Variants in P2RX4 observed in about 807,000 individuals in gnomAD.
P2RX4 encodes the protein purinergic receptor P2X 4, also known as P2X purinoceptor 4.
In P2RX4, 37 loss-of-function variants were observed where a neutral mutation model predicts 48.0. The ratio of observed to expected loss-of-function variants is 0.77; its 90% CI spans 0.59 to 1.01. The LOEUF is 1.01. Ranked by LOEUF, P2RX4 falls within the 50% of genes least tolerant of loss-of-function variation. The probability of loss-of-function intolerance (pLI) is 0.00; values close to 1 mark genes in which losing one functional copy is unlikely to be tolerated. For synonymous variants in P2RX4, 200 were observed against 199.7 expected (o/e 1.00, Z -0.01); for missense variants, 501 against 521.4 (o/e 0.96, Z 0.38).
At chr12:121,220,893 G>T (rs1886551790) in intron 2 of P2RX4, among the ~76,000 whole-genome samples, 1 of 152,136 alleles carries the variant, frequency 6.6e-6, no homozygotes, top group Non-Finnish European at 1.5e-5. Context: ...ATCCTGTGTG[G>T]CCTTTGTGTC....
Position 121,229,135 on chromosome 12 carries a change from G to C in P2RX4, c.884+36G>C, listed in dbSNP as rs1247661658. On this transcript the variant is annotated intron_variant, in intron 8 of 11. Transcript: ENST00000337233. This position sits in a 1 kb window ranked among gnomAD's most constrained non-coding sequence, Gnocchi z 4.6. ...GCTTGGGCCCCTCGCTCATGTTGTA[G>C]GGGGTGCTGGTGGCTGCGTACGTGC... 6.2e-7 allele frequency: 1 copy of C among 1,613,564 alleles called. No individual in the cohort carries two copies.
chr12:121,230,048 G>T (rs578205192), intron 8 of P2RX4, among the ~76,000 whole-genome samples: 43 of 152,292 alleles, frequency 2.8e-4, no homozygotes, highest in African/African-American at 8.9e-4. Context: ...CTCATGATCA[G>T]AATCTATAGC....
chr12:121,221,140 TTG>T (rs1393238317), intron 2 of P2RX4, among the ~76,000 whole-genome samples: 1 of 138,058 alleles, frequency 7.2e-6, no homozygotes, highest in Non-Finnish European at 1.5e-5. Context: ...CCGGCTCCTT[TTG>T]TGTGTGCGTG....
At chr12:121,227,775 G>A (rs773368099) in intron 5 of P2RX4, among the ~76,000 whole-genome samples, 1 of 152,108 alleles carries the variant, frequency 6.6e-6, no homozygotes, top group Non-Finnish European at 1.5e-5. Flanking sequence ...ATTGTAAGAT[G>A]TGTGTATATG....
intron 1 of P2RX4, chr12:121,216,642 GA>G (rs1373997044): frequency 3.2e-6 from 1 of 310,304 alleles, no homozygotes; most frequent in Non-Finnish European, 6.2e-6. Flanking sequence ...CCAACATGGT[GA>G]AACCCCGTCT....
At chr12:121,226,484 A>G (rs1028508430) in intron 5 of P2RX4, among the ~76,000 whole-genome samples, 2 of 152,066 alleles carry the variant, frequency 1.3e-5, no homozygotes, top group African/African-American at 4.8e-5. Flanking sequence ...TAGAAGTTGC[A>G]GTGAGCCAAG....
intron 11 of P2RX4, 65 bp from the exon 12 acceptor site, chr12:121,233,458 C>G: frequency 6.5e-7 from 1 of 1,546,946 alleles, no homozygotes; most frequent in Non-Finnish European, 8.8e-7. Context: ...CAGGAGCGCA[C>G]CTCCCTCCCG....
At position 121,234,027 on chromosome 12, in the gene P2RX4, C is replaced by T. The variant is rs748562713; in HGVS notation, c.*478C>T. 6 of 191,246 alleles carry T rather than the reference C, an allele frequency of 3.1e-5. No homozygotes were observed. In the East Asian group the frequency reaches 3.8e-4, roughly 12 times the overall value. 11.8% of individuals were successfully genotyped at this position (191,246 alleles called of 1,614,324 possible). On this transcript the variant is annotated 3_prime_UTR_variant, in exon 12 of 12. Coordinates refer to ENST00000337233, the MANE Select transcript of P2RX4 (RefSeq NM_002560.3). ...CCCCCGACCATTCCCTGCAGCCATGCGGCAGAGCTGGCATTTCTCCTCAGA... is the reference window on the plus strand; with the variant it reads ...CCCCCGACCATTCCCTGCAGCCATGTGGCAGAGCTGGCATTTCTCCTCAGA...
In P2RX4 at chr12:121,232,787, T is replaced by A; in HGVS notation, c.1044+111T>A. 9.9e-7 allele frequency: 1 copy of A among 1,005,660 alleles called. No individual in the cohort carries two copies. Among genetic ancestry groups the A allele is most frequent in the Non-Finnish European group, 1.6e-6 (1 of 637,520 alleles). 62.3% of individuals were successfully genotyped at this position (1,005,660 alleles called of 1,614,324 possible). A position where few individuals can be genotyped will look rare whatever the true frequency, so the allele number is the denominator to read the frequency against. On this transcript the variant is annotated intron_variant, in intron 10 of 11. Transcript: ENST00000337233. This position sits in a 1 kb window ranked among gnomAD's most constrained non-coding sequence, Gnocchi z 4.3. ...TCAGATGTGTTTCTAAACTTGACCC[T>A]CCTACCTTCTTTCCCTTGGCCCCCA...
chr12:121,210,281 C>A lies in P2RX4; in HGVS notation c.117C>A (p.Ile39=). The part of the protein sequence containing the change: ...GLMNRAVQLL[I]LAYVIGWVFV... ...TGAACCGCGCCGTGCAACTGCTCAT[C>A]CTGGCCTACGTCATCGGGTGAGCGT... The change falls in exon 1 of 12, where the codon ATC becomes ATA. Residue 39 remains isoleucine, a synonymous_variant. Transcript: ENST00000337233. 6.4e-7 allele frequency: 1 copy of A among 1,552,736 alleles called. No individual in the cohort carries two copies.
chr12:121,221,867 G>A (rs780568398), intron 2 of P2RX4, 46 bp from the exon 3 acceptor site: 26 of 1,557,850 alleles, frequency 1.7e-5, no homozygotes, highest in Middle Eastern at 1.7e-4. Flanking sequence ...TTGGCTCTCC[G>A]TGAGTCCTCT....
chr12:121,213,206 C>T (rs944770535), intron 1 of P2RX4: 1 of 152,050 alleles, frequency 6.6e-6, no homozygotes, highest in East Asian at 1.9e-4. Context: ...GTGGGAAGAT[C>T]GCTTGAGCTC....
chr12:121,228,567 CTT>C lies in P2RX4; in HGVS notation c.562_563del (p.Leu188GlyfsTer2). The C allele has an allele frequency of 1.9e-6, 3 of 1,613,560 alleles. No homozygotes were observed. The highest frequency in any genetic ancestry group is 2.5e-6 in the Non-Finnish European group (3 of 1,179,898). On this transcript the variant is annotated frameshift_variant, in exon 6 of 12. Transcript: ENST00000337233. LOFTEE classifies it high-confidence loss of function. ...AFLKAAENFT[L>X]LVKNNIWYPK... ...TTTAAAGGCTGCAGAAAACTTCACT[CTT>C]TTGGTTAAGAACAACATCTGGTATC...
In P2RX4 at chr12:121,233,657, A is replaced by C. The variant is rs112404258; in HGVS notation, c.*108A>C. On this transcript the variant is annotated 3_prime_UTR_variant, in exon 12 of 12. Transcript: ENST00000337233. ...CAGAGAAATTTCTGGAATCTGATTGAGTCTCCACTCCACAAGCACTCAGGG... is the reference window on the plus strand; with the variant it reads ...CAGAGAAATTTCTGGAATCTGATTGCGTCTCCACTCCACAAGCACTCAGGG... 21 of 1,549,964 alleles carry C rather than the reference A, an allele frequency of 1.4e-5. No homozygotes were observed. The African/African-American group carries it at 1.8e-4, about 13-fold the overall frequency.
chr12:121,220,271 A>T (rs1385338385), intron 2 of P2RX4, among the ~76,000 whole-genome samples: 1 of 151,948 alleles, frequency 6.6e-6, no homozygotes. Flanking sequence ...GTCAAGTTTG[A>T]TTGAGAAACC....
chr12:121,222,830 C>A, intron 4 of P2RX4, 117 bp from the exon 5 acceptor site: 1 of 1,466,184 alleles, frequency 6.8e-7, no homozygotes, highest in Non-Finnish European at 9.3e-7. Flanking sequence ...CAGATTTGCA[C>A]AGCTCAAGAC....
At chr12:121,222,799 A>G in intron 4 of P2RX4, 148 bp from the exon 5 acceptor site, 3 of 1,533,726 alleles carry the variant, frequency 2.0e-6, no homozygotes, top group South Asian at 2.4e-5. Context: ...TAACTCCTGG[A>G]CAGTGACACT....
At chr12:121,231,279 G>A (rs1435992048) in intron 8 of P2RX4, among the ~76,000 whole-genome samples, 1 of 151,994 alleles carries the variant, frequency 6.6e-6, no homozygotes, top group Non-Finnish European at 1.5e-5. Flanking sequence ...GTGAGCCACC[G>A]CACCCAGCCA....
rs1734047941 is a variant in P2RX4, at chr12:121,222,084, C to G, written c.355-10C>G. The G allele has an allele frequency of 1.2e-6, 2 of 1,611,308 alleles. No individual in the cohort carries two copies. The highest frequency in any genetic ancestry group is 1.7e-5 in the Admixed American group (1 of 59,954). On this transcript the variant is annotated splice_polypyrimidine_tract_variant and intron_variant, in intron 3 of 11. Transcript: ENST00000337233. ...CACGTGGACTTTCTTTTCGCTCCTTCTTTTTCCAGATTCCAGATGCGACCA... is the reference window on the plus strand; with the variant it reads ...CACGTGGACTTTCTTTTCGCTCCTTGTTTTTCCAGATTCCAGATGCGACCA...
Sources: gnomAD v4.1 joint callset for allele counts (sites outside exome capture counted in the v4.1 genomes callset) on GRCh38, gnomAD v4.1.1 for gene constraint, Gnocchi (gnomAD v3.1) non-coding constraint, MANE v1.5 for transcripts, NCBI Gene and HGNC (gene_info 2026-07-23, HGNC 2026-07-21) for gene names.